TYW1: variants seen among roughly 807,000 people sequenced by gnomAD.
The protein encoded by TYW1 is tRNA-yW synthesizing protein 1 homolog.
In TYW1, 46 loss-of-function variants were observed where a neutral mutation model predicts 96.2. That is an observed-to-expected ratio of 0.48 (90% confidence interval 0.38 to 0.61). TYW1 has a LOEUF of 0.61. Ranked by LOEUF, TYW1 falls within the 20% of genes least tolerant of loss-of-function variation. TYW1 has a pLI of 0.00. For missense variants in TYW1, 684 were observed against 909.6 expected, an observed-to-expected ratio of 0.75 and a Z score of 3.19; for synonymous variants, 274 against 323.0, an observed-to-expected ratio of 0.85 and a Z score of 1.63.
chr7:67,232,063 CTA>C (rs1718626178), intron 15 of TYW1, among the ~76,000 whole-genome samples: 1 of 151,936 alleles, frequency 6.6e-6, no homozygotes, highest in Admixed American at 6.6e-5. Context: ...AACCCCATCT[CTA>C]CTAAAAATAC....
chr7:67,086,414 G>C (rs1796549554), intron 11 of TYW1, among the ~76,000 whole-genome samples: 1 of 152,120 alleles, frequency 6.6e-6, no homozygotes, highest in South Asian at 2.1e-4. Flanking sequence ...CAGAAAAACA[G>C]AACCAGTGGG....
chr7:67,015,657 G>A (rs1202066275), intron 5 of TYW1, among the ~76,000 whole-genome samples: 1 of 151,974 alleles, frequency 6.6e-6, no homozygotes, highest in Non-Finnish European at 1.5e-5. Flanking sequence ...CCTGAGCTCA[G>A]TTTTAAGAAA....
chr7:67,166,847 T>G (rs1799349126), intron 13 of TYW1, among the ~76,000 whole-genome samples: 1 of 152,156 alleles, frequency 6.6e-6, no homozygotes, highest in African/African-American at 2.4e-5. Flanking sequence ...TTTTTTGATA[T>G]ACATGTGGGC....
intron 7 of TYW1, among the ~76,000 whole-genome samples, chr7:67,045,155 G>T (rs1230020479): frequency 6.6e-6 from 1 of 151,958 alleles, no homozygotes; most frequent in East Asian, 1.9e-4. Context: ...TGGTACTGTG[G>T]TTTCTGGGAT....
rs766136339 is a variant in TYW1, at chr7:67,014,397, G to A, written c.406G>A (p.Val136Ile). Residue 136 changes from valine (V) to isoleucine (I), a missense_variant, in exon 5 of 16, where the codon GTT becomes ATT. Physicochemically the swap from Val to Ile is conservative, Grantham distance 29. Transcript: ENST00000359626. ...VTSKNVCVFL[V>I]ATYTDGLPTE... ...TAGTAAAAATGTCTGTGTCTTCCTGGTTGCGACATACACTGACGGCCTACC... is the reference window on the plus strand; with the variant it reads ...TAGTAAAAATGTCTGTGTCTTCCTGATTGCGACATACACTGACGGCCTACC... 4 of 1,611,662 alleles carry A rather than the reference G, an allele frequency of 2.5e-6. No homozygotes were observed. The highest frequency in any genetic ancestry group is 1.7e-6 in the Non-Finnish European group (2 of 1,178,744).
chr7:67,080,940 G>GTTTTTTTTT lies in TYW1; in HGVS notation c.1275-2471_1275-2463dup, dbSNP rs71049495. ...TGTATATTGTTTTTGCTTTCTTACTGTTTTTTTTTTTTTTTTTTTTTTTTT... is the reference window on the plus strand; with the variant it reads ...TGTATATTGTTTTTGCTTTCTTACTGTTTTTTTTTTTTTTTTTTTTTTTTTTTTTTTTTT... On this transcript the variant is annotated intron_variant, in intron 10 of 15. Coordinates refer to ENST00000359626, the MANE Select transcript of TYW1 (RefSeq NM_018264.4). Among the ~76,000 whole-genome samples the GTTTTTTTTT allele has an allele frequency of 1.4e-3, 53 of 37,254 alleles. 2 individuals carry two copies. The highest frequency in any genetic ancestry group is 1.7e-3 in the African/African-American group (15 of 8,848). 24.4% of individuals were successfully genotyped at this position (37,254 alleles called of 152,430 possible).
At chr7:67,149,723 TATCTATC>T (rs1350940255) in intron 13 of TYW1, among the ~76,000 whole-genome samples, 7 of 15,916 alleles carry the variant, frequency 4.4e-4, no homozygotes, top group East Asian at 1.5e-3. Context: ...GGAAAAAAAA[TATCTATC>T]TATCTATCTA....
intron 7 of TYW1, among the ~76,000 whole-genome samples, chr7:67,034,237 G>A (rs1794762503): frequency 6.6e-6 from 1 of 151,692 alleles, no homozygotes. Flanking sequence ...CCGAGTAGCT[G>A]GGATTACAGA....
chr7:67,058,001 G>A (rs1483349995), intron 9 of TYW1, among the ~76,000 whole-genome samples: 2 of 152,014 alleles, frequency 1.3e-5, no homozygotes, highest in Non-Finnish European at 2.9e-5. Context: ...TAGAAGCTTC[G>A]TCGGCTCACT....
chr7:67,113,948 T>C (rs1170825523), intron 12 of TYW1, among the ~76,000 whole-genome samples: 1 of 152,074 alleles, frequency 6.6e-6, no homozygotes, highest in Non-Finnish European at 1.5e-5. Context: ...ATGATGCTTA[T>C]TCTTTATAGA....
chr7:67,049,892 G>A, intron 7 of TYW1, 57 bp from the exon 8 acceptor site: 1 of 1,602,180 alleles, frequency 6.2e-7, no homozygotes. Context: ...TGATTGTGCT[G>A]TTATTTACAT....
chr7:67,157,316 C>T (rs1251050426), intron 13 of TYW1, among the ~76,000 whole-genome samples: 9 of 152,134 alleles, frequency 5.9e-5, no homozygotes, highest in Non-Finnish European at 1.0e-4. Context: ...GATGGAGTCT[C>T]GCTCTGTCAC....
At chr7:67,017,664 A>G (rs1046194569) in intron 5 of TYW1, among the ~76,000 whole-genome samples, 189 bp from the exon 6 acceptor site, 38 of 152,180 alleles carry the variant, frequency 2.5e-4, no homozygotes, top group Non-Finnish European at 5.9e-5. Context: ...AGTAGAATAC[A>G]TAAAATGACC....
chr7:67,217,952 G>A (rs534672289), intron 15 of TYW1, among the ~76,000 whole-genome samples: 117 of 141,842 alleles, frequency 8.2e-4, no homozygotes, highest in Non-Finnish European at 1.4e-3. Flanking sequence ...TCTGCCTCCC[G>A]GGTTCAAGTG....
chr7:67,200,743 G>A (rs974021783), intron 15 of TYW1, among the ~76,000 whole-genome samples: 7 of 152,200 alleles, frequency 4.6e-5, no homozygotes, highest in Non-Finnish European at 8.8e-5. Flanking sequence ...AGAATGGAAT[G>A]GAGCTCAATG....
intron 7 of TYW1, among the ~76,000 whole-genome samples, chr7:67,033,494 A>G (rs1374347569): frequency 6.6e-6 from 1 of 152,230 alleles, no homozygotes; most frequent in African/African-American, 2.4e-5. Context: ...CGGGGGATAC[A>G]GAGCAACTTC....
chr7:67,037,155 T>G (rs1346348736), intron 7 of TYW1, among the ~76,000 whole-genome samples: 1 of 152,170 alleles, frequency 6.6e-6, no homozygotes, highest in African/African-American at 2.4e-5. Context: ...GGGTCCGCCA[T>G]GAGACACCTA....
At chr7:67,187,401 A>G (rs1800063746) in intron 14 of TYW1, among the ~76,000 whole-genome samples, 1 of 152,144 alleles carries the variant, frequency 6.6e-6, no homozygotes, top group Non-Finnish European at 1.5e-5. Flanking sequence ...TAATGTAATA[A>G]ATAACAGTTC....
At chr7:67,092,071 C>T (rs144795938) in intron 11 of TYW1, among the ~76,000 whole-genome samples, 6 of 152,230 alleles carry the variant, frequency 3.9e-5, no homozygotes, top group African/African-American at 1.4e-4. Flanking sequence ...CCTGTTAGCC[C>T]CAATGCTTGC....
Sources: allele counts gnomAD v4.1 joint callset (sites outside exome capture counted in the v4.1 genomes callset), GRCh38; gene constraint gnomAD v4.1.1; transcripts MANE v1.5; gene names NCBI Gene and HGNC (gene_info 2026-07-23, HGNC 2026-07-21).